Variants in SLC2A13 observed in about 807,000 individuals in gnomAD.
The protein encoded by SLC2A13 is proton myo-inositol cotransporter.
SLC2A13 carries 32 observed loss-of-function variants against 64.4 expected under a neutral mutation model. The ratio of observed to expected loss-of-function variants is 0.50; its 90% confidence interval spans 0.37 to 0.67. SLC2A13 has a LOEUF of 0.67. SLC2A13 is among the 30% of genes least tolerant of loss of function. The probability of loss-of-function intolerance (pLI) is 0.00; values close to 1 mark genes in which losing one functional copy is unlikely to be tolerated. For synonymous variants in SLC2A13, 338 were observed against 327.1 expected, an observed-to-expected ratio of 1.03 and a Z score of -0.36; for missense variants, 743 against 829.2, an observed-to-expected ratio of 0.90 and a Z score of 1.28.
intron 3 of SLC2A13, among the ~76,000 whole-genome samples, chr12:39,979,525 T>C (rs1243492836): frequency 6.7e-6 from 1 of 149,008 alleles, no homozygotes; most frequent in Non-Finnish European, 1.5e-5. Flanking sequence ...ACGTGAAGAA[T>C]GCAGAAGCCT....
intron 4 of SLC2A13, among the ~76,000 whole-genome samples, chr12:39,892,331 T>A (rs952921722): frequency 2.6e-5 from 4 of 151,952 alleles, no homozygotes; most frequent in African/African-American, 7.3e-5. Flanking sequence ...AGCTGACTTG[T>A]GTGTGTGTGT....
chr12:40,008,589 C>T (rs1279187631), intron 3 of SLC2A13, among the ~76,000 whole-genome samples: 5 of 146,966 alleles, frequency 3.4e-5, no homozygotes, highest in East Asian at 2.0e-4. Context: ...CCAGCCTGGG[C>T]GACAGAGCGA....
At chr12:39,810,244 T>G (rs1942111425) in intron 7 of SLC2A13, among the ~76,000 whole-genome samples, 1 of 152,220 alleles carries the variant, frequency 6.6e-6, no homozygotes, top group South Asian at 2.1e-4. Context: ...TTCAGTGTAG[T>G]GATCCTGTTA....
chr12:39,806,226 A>G lies in SLC2A13; in HGVS notation c.1445+23877T>C, dbSNP rs945900011. Among the ~76,000 whole-genome samples the G allele has an allele frequency of 5.3e-5, 8 of 152,296 alleles. No individual in the cohort carries two copies. The East Asian group carries it at 1.5e-3, about 29-fold the overall frequency. On this transcript the variant is annotated intron_variant, in intron 7 of 9. Coordinates refer to ENST00000280871, the MANE Select transcript of SLC2A13 (RefSeq NM_052885.4). ...GTTGACTGTCTTTATCTTGCCTGGA[A>G]CCTCTAATGCTGAAAGATCAGAACA...
chr12:39,773,783 T>TTGAG (rs750512411), intron 7 of SLC2A13, among the ~76,000 whole-genome samples: 9 of 152,220 alleles, frequency 5.9e-5, no homozygotes, highest in Non-Finnish European at 5.9e-5. Context: ...ACTTCATATA[T>TTGAG]TGAGTCCTAA....
chr12:39,971,766 G>A (rs1292087069), intron 3 of SLC2A13, among the ~76,000 whole-genome samples: 1 of 151,866 alleles, frequency 6.6e-6, no homozygotes, highest in Non-Finnish European at 1.5e-5. Context: ...CCTGAGGTCA[G>A]GAGTTCAAGA....
rs1354473306 is a variant in SLC2A13 at position 39,979,343 on chromosome 12, GAGA to G, written c.926-27981_926-27979del. Among the ~76,000 whole-genome samples the G allele has an allele frequency of 1.2e-3, 173 of 149,436 alleles. 2 individuals are homozygous for G. The highest frequency in any genetic ancestry group is 4.2e-3 in the African/African-American group (168 of 40,450). On this transcript the variant is annotated intron_variant, in intron 3 of 9. Coordinates refer to ENST00000280871, the MANE Select transcript of SLC2A13 (RefSeq NM_052885.4). ...ATGGAGAATGATTTTGATGAGCTGA[GAGA>G]AGAAGGCTTCAGACGATCAAATTAC... is the stretch of plus-strand genomic sequence containing the variant.
chr12:40,086,297 A>G (rs933142931), intron 1 of SLC2A13, among the ~76,000 whole-genome samples: 4 of 152,118 alleles, frequency 2.6e-5, no homozygotes, highest in Non-Finnish European at 5.9e-5. Flanking sequence ...CCCACCTGAT[A>G]TCACCTCTCT....
At chr12:39,933,946 AG>A (rs1196154715) in intron 4 of SLC2A13, among the ~76,000 whole-genome samples, 4 of 152,220 alleles carry the variant, frequency 2.6e-5, no homozygotes, top group Admixed American at 2.0e-4. Flanking sequence ...ATTTGATTCC[AG>A]GTCTGTCTAA....
At chr12:40,061,801 T>C (rs1284338489) in intron 1 of SLC2A13, among the ~76,000 whole-genome samples, 1 of 149,862 alleles carries the variant, frequency 6.7e-6, no homozygotes, top group Non-Finnish European at 1.5e-5. Flanking sequence ...TTTTCAAATT[T>C]GACAATCCAA....
intron 4 of SLC2A13, among the ~76,000 whole-genome samples, chr12:39,930,126 G>A (rs11174340): frequency 2.8e-5 from 4 of 140,804 alleles, no homozygotes; most frequent in East Asian, 2.1e-4. Context: ...GTGAGACTTC[G>A]TCTCAAAAAA....
chr12:39,973,714 C>T (rs1009326907), intron 3 of SLC2A13, among the ~76,000 whole-genome samples: 7 of 152,328 alleles, frequency 4.6e-5, no homozygotes, highest in Non-Finnish European at 7.3e-5. Flanking sequence ...CTTTCCCTCA[C>T]ACCTGTCTGT....
chr12:40,087,588 T>G (rs180742161), intron 1 of SLC2A13, among the ~76,000 whole-genome samples: 2 of 152,232 alleles, frequency 1.3e-5, no homozygotes, highest in Non-Finnish European at 2.9e-5. Flanking sequence ...CCACAAGCAT[T>G]TACTAAATAA....
chr12:39,931,938 T>C (rs1027846298), intron 4 of SLC2A13, among the ~76,000 whole-genome samples: 2 of 152,154 alleles, frequency 1.3e-5, no homozygotes, highest in African/African-American at 4.8e-5. Flanking sequence ...CATAGTTTTA[T>C]TGAGGCCCAT....
At chr12:39,875,691 T>C (rs1944165237) in intron 4 of SLC2A13, among the ~76,000 whole-genome samples, 1 of 152,228 alleles carries the variant, frequency 6.6e-6, no homozygotes, top group Non-Finnish European at 1.5e-5. Flanking sequence ...TACATTCTCT[T>C]TCACAGGGCA....
chr12:39,805,386 G>T (rs1177924051), intron 7 of SLC2A13, among the ~76,000 whole-genome samples: 2 of 152,110 alleles, frequency 1.3e-5, no homozygotes, highest in African/African-American at 2.4e-5. Context: ...GGCTGGAGCA[G>T]GTGTAAGAGG....
At chr12:39,931,693 C>A (rs765255151) in intron 4 of SLC2A13, among the ~76,000 whole-genome samples, 3 of 152,128 alleles carry the variant, frequency 2.0e-5, no homozygotes, top group African/African-American at 7.2e-5. Flanking sequence ...CCAATTTCAA[C>A]TGAGCTTGTA....
At chr12:39,961,001 C>G (rs1259377679) in intron 3 of SLC2A13, among the ~76,000 whole-genome samples, 1 of 150,954 alleles carries the variant, frequency 6.6e-6, no homozygotes, top group African/African-American at 2.4e-5. Context: ...CTCGTCTTGG[C>G]CTTCCAAAAT....
At chr12:40,003,391 G>A (rs1454322962) in intron 3 of SLC2A13, among the ~76,000 whole-genome samples, 2 of 151,878 alleles carry the variant, frequency 1.3e-5, no homozygotes, top group African/African-American at 4.8e-5. Flanking sequence ...AGGAAGAGGA[G>A]AGACAAAAAC....
Sources: allele counts gnomAD v4.1 joint callset (sites outside exome capture counted in the v4.1 genomes callset), GRCh38; gene constraint gnomAD v4.1.1; transcripts MANE v1.5; gene names NCBI Gene and HGNC (gene_info 2026-07-23, HGNC 2026-07-21).